SNTG2: variants seen among roughly 807,000 people sequenced by gnomAD.
SNTG2 encodes the protein gamma-2-syntrophin.
A neutral mutation model predicts 70.9 loss-of-function variants in SNTG2; 74 were observed. The ratio of observed to expected loss-of-function variants is 1.04; its 90% confidence interval spans 0.86 to 1.27. SNTG2 has a LOEUF of 1.27. Ranked by LOEUF, SNTG2 falls within the 50% of genes most tolerant of loss-of-function variation. The pLI, the probability that SNTG2 is intolerant of heterozygous loss-of-function variation, is 0.00. For synonymous variants in SNTG2, 278 were observed against 273.8 expected, an observed-to-expected ratio of 1.02 and a Z score of -0.15; for missense variants, 717 against 690.7, an observed-to-expected ratio of 1.04 and a Z score of -0.43.
At chr2:1,041,771 C>G (rs925560369) in intron 1 of SNTG2, among the ~76,000 whole-genome samples, 1 of 152,182 alleles carries the variant, frequency 6.6e-6, no homozygotes, top group Non-Finnish European at 1.5e-5. Context: ...GGCTGGTTAA[C>G]TTCTTTTCCT....
chr2:1,033,175 A>C (rs2148039178), intron 1 of SNTG2, among the ~76,000 whole-genome samples: 1 of 152,322 alleles, frequency 6.6e-6, no homozygotes, highest in Admixed American at 6.5e-5. Context: ...ATGACACCTC[A>C]ACATGAGATT....
chr2:1,113,379 A>T (rs1666656876), intron 4 of SNTG2, among the ~76,000 whole-genome samples: 1 of 150,844 alleles, frequency 6.6e-6, no homozygotes, highest in Non-Finnish European at 1.5e-5. Context: ...GTGTTTTGAA[A>T]AGGATCGTGT....
intron 6 of SNTG2, among the ~76,000 whole-genome samples, chr2:1,152,753 G>C (rs1366814357): frequency 6.6e-6 from 1 of 152,114 alleles, no homozygotes; most frequent in East Asian, 1.9e-4. Flanking sequence ...TTGATCTTAA[G>C]GACCCAACTT....
intron 4 of SNTG2, among the ~76,000 whole-genome samples, chr2:1,118,539 T>C (rs983731141): frequency 2.0e-5 from 3 of 151,894 alleles, no homozygotes; most frequent in East Asian, 3.9e-4. Context: ...ACTTAAAAAT[T>C]AGAAGAGATA....
At position 951,067 on chromosome 2, in the gene SNTG2, G is replaced by T. The variant is rs1659938095; in HGVS notation, c.71G>T (p.Arg24Leu). 1.6e-6 allele frequency: 2 copies of T among 1,261,298 alleles called. No homozygotes were observed. The highest frequency in any genetic ancestry group is 3.2e-5 in the South Asian group (1 of 31,152). The allele number at this position is 1,261,298 out of a possible 1,614,324, so 78.1% of individuals were successfully genotyped here. A position where few individuals can be genotyped will look rare whatever the true frequency, so the allele number is the denominator to read the frequency against. The change falls in exon 1 of 17, where the codon CGG becomes CTG. Residue 24 changes from arginine (R) to leucine (L), a missense_variant and splice_region_variant. Physicochemically the swap from Arg to Leu is moderately radical, Grantham distance 102. Transcript: ENST00000308624. ...CAGGGCTGCCTGCTGGTACCTGCGC[G>T]GGTGAGTGCGGCCCCTCAGCGCCCC... ...GRQGCLLVPARTKTTIALLYD... is the reference protein window; with the variant it reads ...GRQGCLLVPALTKTTIALLYD...
intron 16 of SNTG2, among the ~76,000 whole-genome samples, chr2:1,360,102 C>T (rs1447259551): frequency 2.0e-5 from 3 of 152,266 alleles, no homozygotes; most frequent in African/African-American, 7.2e-5. Context: ...TATCTGTATT[C>T]ATTTTCTATC....
chr2:965,844 C>A (rs1660544907), intron 1 of SNTG2, among the ~76,000 whole-genome samples: 1 of 152,158 alleles, frequency 6.6e-6, no homozygotes, highest in South Asian at 2.1e-4. Context: ...GGCTCTCCAC[C>A]CTCCATGGTG....
At chr2:1,306,075 C>T (rs1356964248) in intron 14 of SNTG2, among the ~76,000 whole-genome samples, 1 of 152,204 alleles carries the variant, frequency 6.6e-6, no homozygotes, top group Non-Finnish European at 1.5e-5. Context: ...ATGTCACCTC[C>T]TGTGGCCTTT....
At chr2:1,057,160 C>T (rs532535952) in intron 1 of SNTG2, among the ~76,000 whole-genome samples, 3 of 152,170 alleles carry the variant, frequency 2.0e-5, no homozygotes, top group East Asian at 3.9e-4. Context: ...TGAATTACAA[C>T]TGTAATGTAT....
At chr2:1,185,967 T>A (rs1672219403) in intron 8 of SNTG2, among the ~76,000 whole-genome samples, 1 of 152,224 alleles carries the variant, frequency 6.6e-6, no homozygotes, top group African/African-American at 2.4e-5. Context: ...CACTCTGCTT[T>A]CCTTCTATAT....
At chr2:1,233,634 C>T (rs1485924222) in intron 9 of SNTG2, among the ~76,000 whole-genome samples, 2 of 152,276 alleles carry the variant, frequency 1.3e-5, no homozygotes, top group East Asian at 1.9e-4. Context: ...GACCTGAGCA[C>T]GTAACTTCAA....
intron 1 of SNTG2, among the ~76,000 whole-genome samples, chr2:1,076,925 T>C (rs1292792270): frequency 6.6e-6 from 1 of 152,234 alleles, no homozygotes; most frequent in African/African-American, 2.4e-5. Context: ...CTCCATGCTA[T>C]GTTTACATGT....
chr2:1,221,481 C>CTGTCTCTTTG (rs1271330964), intron 9 of SNTG2, among the ~76,000 whole-genome samples: 2 of 20,514 alleles, frequency 9.7e-5, no homozygotes, highest in Non-Finnish European at 2.4e-4. Context: ...CTGTCTCTCT[C>CTGTCTCTTTG]TCTCTCTGTC....
chr2:1,043,722 T>C (rs1661572125), intron 1 of SNTG2, among the ~76,000 whole-genome samples: 2 of 152,186 alleles, frequency 1.3e-5, no homozygotes, highest in Admixed American at 1.3e-4. Context: ...CAGATGCTTA[T>C]AGGTAGGTGG....
intron 1 of SNTG2, among the ~76,000 whole-genome samples, chr2:1,010,337 A>ACTGGAC (rs1157914067): frequency 6.6e-6 from 1 of 152,218 alleles, no homozygotes; most frequent in Non-Finnish European, 1.5e-5. Context: ...ATATGCCAAG[A>ACTGGAC]CTGGACCTGG....
intron 4 of SNTG2, among the ~76,000 whole-genome samples, chr2:1,124,330 T>C (rs1391474679): frequency 6.7e-6 from 1 of 148,576 alleles, no homozygotes; most frequent in African/African-American, 2.6e-5. Context: ...AGGCTTGCTT[T>C]GTTGCCCAGG....
chr2:1,269,648 A>G (rs1678917248), intron 14 of SNTG2, among the ~76,000 whole-genome samples: 1 of 152,130 alleles, frequency 6.6e-6, no homozygotes, highest in Admixed American at 6.5e-5. Flanking sequence ...GCACAGGTGG[A>G]GAAGAGAAGG....
At chr2:1,181,080 G>A (rs914124712) in intron 8 of SNTG2, among the ~76,000 whole-genome samples, 3 of 152,134 alleles carry the variant, frequency 2.0e-5, no homozygotes, top group African/African-American at 7.2e-5. Context: ...GGTGGGGGAA[G>A]GGGAGAGGGA....
At chr2:1,230,484 C>T (rs7567477) in intron 9 of SNTG2, among the ~76,000 whole-genome samples, 30,027 of 152,064 alleles carry the variant, frequency 0.2, 4,329 homozygotes, top group African/African-American at 0.4. Flanking sequence ...TCACAGATCA[C>T]CCTCTGTCCT....
Sources: gnomAD v4.1 joint callset for allele counts (sites outside exome capture counted in the v4.1 genomes callset) on GRCh38, gnomAD v4.1.1 for gene constraint, MANE v1.5 for transcripts, NCBI Gene and HGNC (gene_info 2026-07-23, HGNC 2026-07-21) for gene names.